Variants in EBF1 observed in about 807,000 individuals in gnomAD.
EBF1 encodes transcription factor COE1.
In EBF1, 10 loss-of-function variants were observed where a neutral mutation model predicts 68.4. The ratio of observed to expected loss-of-function variants is 0.15; its 90% CI spans 0.09 to 0.25. The LOEUF (loss-of-function observed/expected upper bound fraction) is 0.25, where lower values mean the gene tolerates loss of function less well. Ranked by LOEUF, EBF1 falls within the 10% of genes least tolerant of loss-of-function variation. The pLI, the probability that EBF1 is intolerant of heterozygous loss-of-function variation, is 1.00. For synonymous variants in EBF1, 298 were observed against 299.8 expected (o/e 0.99, Z 0.06); for missense variants, 509 against 794.4 (o/e 0.64, Z 4.32).
intron 8 of EBF1, among the ~76,000 whole-genome samples, chr5:158,813,231 T>C (rs954879327): frequency 6.6e-6 from 1 of 152,202 alleles, no homozygotes; most frequent in African/African-American, 2.4e-5. Context: ...GATTTTGAAG[T>C]TGGAGTTATT....
Position 159,025,877 on chromosome 5 carries a change from T to C in EBF1, c.554+47519A>G, listed in dbSNP as rs1584045558. ...GGAAAAAAGCCCTGGGCAATTCAAG[T>C]GAAGCAACAACTTGGTGATTTTCTT... On this transcript the variant is annotated intron_variant, in intron 6 of 15. Transcript: ENST00000313708. Among the ~76,000 whole-genome samples, 3 of 152,318 alleles carry C rather than the reference T, an allele frequency of 2.0e-5. No individual in the cohort carries two copies. In the East Asian group the frequency reaches 5.8e-4, roughly 29 times the overall value.
intron 6 of EBF1, among the ~76,000 whole-genome samples, chr5:159,038,696 T>C (rs898402095): frequency 6.6e-6 from 1 of 152,148 alleles, no homozygotes; most frequent in Non-Finnish European, 1.5e-5. Flanking sequence ...TTTGCGCTGT[T>C]TTGGGCTGCC....
intron 13 of EBF1, 131 bp from the exon 14 acceptor site, chr5:158,712,464 C>A (rs564446062): frequency 2.0e-5 from 20 of 985,336 alleles, no homozygotes; most frequent in African/African-American, 1.9e-4. Flanking sequence ...TTGGGTGATT[C>A]ATGTGCGTGG....
intron 11 of EBF1, among the ~76,000 whole-genome samples, chr5:158,728,732 G>A (rs892438758): frequency 1.3e-5 from 2 of 151,752 alleles, no homozygotes; most frequent in Non-Finnish European, 2.9e-5. Flanking sequence ...CCTAGCTAAC[G>A]TTTTTTTTAG....
At chr5:158,787,986 A>G (rs937700602) in intron 9 of EBF1, among the ~76,000 whole-genome samples, 1 of 152,192 alleles carries the variant, frequency 6.6e-6, no homozygotes, top group Non-Finnish European at 1.5e-5. Flanking sequence ...AAGCATTGTC[A>G]ACTACAACAG....
At chr5:159,079,926 T>C (rs537082140) in intron 5 of EBF1, among the ~76,000 whole-genome samples, 23 of 152,196 alleles carry the variant, frequency 1.5e-4, no homozygotes, top group African/African-American at 5.3e-4. Flanking sequence ...CCTCCTTTTA[T>C]TTCTATGCTC....
At chr5:159,029,363 C>T (rs1768325297) in intron 6 of EBF1, among the ~76,000 whole-genome samples, 1 of 152,136 alleles carries the variant, frequency 6.6e-6, no homozygotes, top group African/African-American at 2.4e-5. Flanking sequence ...GCATTGAGAG[C>T]CATGAAAATG....
intron 7 of EBF1, among the ~76,000 whole-genome samples, chr5:158,836,231 A>C (rs1343861528): frequency 6.6e-6 from 1 of 152,234 alleles, no homozygotes; most frequent in African/African-American, 2.4e-5. Flanking sequence ...CCTGGGTGTC[A>C]GGTCTCAGAG....
chr5:158,712,877 A>C, intron 13 of EBF1, 93 bp downstream of exon 13: 2 of 1,257,446 alleles, frequency 1.6e-6, no homozygotes, highest in South Asian at 4.7e-5. Context: ...TTGGGATGAA[A>C]ATAATTTTTT....
chr5:158,968,833 T>C (rs1308448325), intron 6 of EBF1, among the ~76,000 whole-genome samples: 3 of 152,198 alleles, frequency 2.0e-5, no homozygotes, highest in Middle Eastern at 3.2e-3. Context: ...AAAATATGCA[T>C]TGATGCCACA....
intron 8 of EBF1, among the ~76,000 whole-genome samples, chr5:158,798,413 T>G (rs113979353): frequency 3.9e-5 from 6 of 152,294 alleles, no homozygotes; most frequent in African/African-American, 7.2e-5. Context: ...AATTTTTATT[T>G]TTTTAATCAC....
intron 6 of EBF1, among the ~76,000 whole-genome samples, chr5:158,932,759 T>C (rs1811161446): frequency 6.6e-6 from 1 of 152,208 alleles, no homozygotes; most frequent in African/African-American, 2.4e-5. Context: ...CTGGAACTGC[T>C]ATTATGAGAC....
intron 6 of EBF1, among the ~76,000 whole-genome samples, chr5:159,016,682 G>C (rs576784808): frequency 1.3e-5 from 2 of 152,306 alleles, no homozygotes; most frequent in Admixed American, 6.5e-5. Context: ...CATCATTACT[G>C]GCACTTGGGT....
chr5:159,009,271 C>T (rs895820482), intron 6 of EBF1, among the ~76,000 whole-genome samples: 1 of 152,124 alleles, frequency 6.6e-6, no homozygotes, highest in African/African-American at 2.4e-5. Flanking sequence ...CAACAAAGAG[C>T]GCATGTTTTC....
At chr5:158,832,331 G>A (rs1787762309) in intron 7 of EBF1, among the ~76,000 whole-genome samples, 1 of 152,214 alleles carries the variant, frequency 6.6e-6, no homozygotes, top group Non-Finnish European at 1.5e-5. Flanking sequence ...CTCATGCCAA[G>A]ATACATATTT....
chr5:159,039,307 A>G (rs1411349924), intron 6 of EBF1, among the ~76,000 whole-genome samples: 5 of 152,254 alleles, frequency 3.3e-5, no homozygotes, highest in Non-Finnish European at 7.3e-5. Context: ...TTCAGAATCT[A>G]TACAAAAGTG....
At chr5:158,950,937 T>C (rs1369253882) in intron 6 of EBF1, among the ~76,000 whole-genome samples, 3 of 152,222 alleles carry the variant, frequency 2.0e-5, no homozygotes, top group Non-Finnish European at 4.4e-5. Flanking sequence ...TGGCAGCCCA[T>C]GTTGGTAGAC....
intron 6 of EBF1, among the ~76,000 whole-genome samples, chr5:159,053,232 C>T (rs1774130763): frequency 6.6e-6 from 1 of 152,178 alleles, no homozygotes; most frequent in South Asian, 2.1e-4. Flanking sequence ...ACTGAAGCCC[C>T]AGTTTCCTCA....
chr5:158,772,317 A>G (rs1774031219), intron 10 of EBF1, among the ~76,000 whole-genome samples: 3 of 152,166 alleles, frequency 2.0e-5, no homozygotes, highest in South Asian at 4.1e-4. Flanking sequence ...TGAGAAACAG[A>G]GATTTCTGGT....
Sources: gnomAD v4.1 joint callset for allele counts (sites outside exome capture counted in the v4.1 genomes callset) on GRCh38, gnomAD v4.1.1 for gene constraint, MANE v1.5 for transcripts, NCBI Gene and HGNC (gene_info 2026-07-23, HGNC 2026-07-21) for gene names.